Variants in NT5C1A observed in about 807,000 individuals in gnomAD.
NT5C1A encodes cytosolic 5'-nucleotidase 1A.
Under a neutral mutation model 31.0 loss-of-function variants are expected in NT5C1A, and 18 were observed. The ratio of observed to expected loss-of-function variants is 0.58; its 90% CI spans 0.40 to 0.86. The LOEUF is 0.86. Ranked by LOEUF, NT5C1A falls within the 40% of genes least tolerant of loss-of-function variation. NT5C1A has a pLI of 0.00. For missense variants in NT5C1A, 470 were observed against 505.4 expected, an observed-to-expected ratio of 0.93 and a Z score of 0.67; for synonymous variants, 185 against 203.6, an observed-to-expected ratio of 0.91 and a Z score of 0.78.
rs1646453976 is a variant in NT5C1A at position 39,655,332 on chromosome 1, GC to G, written c.*3788del. Among the ~76,000 whole-genome samples, 1 of 152,196 alleles carries G rather than the reference GC, an allele frequency of 6.6e-6. No homozygotes were observed. The highest frequency in any genetic ancestry group is 1.5e-5 in the Non-Finnish European group (1 of 68,036). On this transcript the variant is annotated 3_prime_UTR_variant, in exon 6 of 6. Coordinates refer to ENST00000235628, the MANE Select transcript of NT5C1A (RefSeq NM_032526.3). ...AACTCTGCATTAGCCCAAAACAGGG[GC>G]CTTCACACTGGGTTTCTCAAAACTT...
In NT5C1A at chr1:39,672,010, T is replaced by TGGGGCTCCC. The variant is rs747819287; in HGVS notation, c.20_28dup (p.Arg7_Pro9dup). The stretch of plus-strand genomic sequence containing the variant: ...TCCTGGCCCGGGCTCGCGGGGCTCC[T>TGGGGCTCCC]GGGGCTCCCGGGGCTGCCCAGGTTC... On this transcript the variant is annotated inframe_insertion, in exon 1 of 6. Coordinates refer to ENST00000235628, the MANE Select transcript of NT5C1A (RefSeq NM_032526.3). 7.0e-5 allele frequency: 113 copies of TGGGGCTCCC among 1,605,844 alleles called. 1 individual carries two copies. In the Admixed American group the frequency reaches 1.9e-3, roughly 27 times the overall value.
rs1385165096 is a variant in NT5C1A at position 39,657,525 on chromosome 1, G to A, written c.*1596C>T. Among the ~76,000 whole-genome samples, 1 of 152,172 alleles carries A rather than the reference G, an allele frequency of 6.6e-6. No individual in the cohort carries two copies. The highest frequency in any genetic ancestry group is 1.5e-5 in the Non-Finnish European group (1 of 68,036). Reference sequence around the variant, plus strand: ...ATTCCTCCTAGAAGCCTGGCAATCAGTCCACACACAGATGTCTGCTCACCC... The same window carrying A: ...ATTCCTCCTAGAAGCCTGGCAATCAATCCACACACAGATGTCTGCTCACCC... On this transcript the variant is annotated 3_prime_UTR_variant, in exon 6 of 6. Coordinates refer to ENST00000235628, the MANE Select transcript of NT5C1A (RefSeq NM_032526.3).
At chr1:39,660,271 G>A (rs1244766719) in intron 5 of NT5C1A, among the ~76,000 whole-genome samples, 1 of 152,286 alleles carries the variant, frequency 6.6e-6, no homozygotes, top group Middle Eastern at 3.4e-3. Context: ...GAGCCACAGC[G>A]GAAGCCTGCT....
At chr1:39,665,681 AC>A in intron 2 of NT5C1A, 31 bp from the exon 3 acceptor site, 1 of 1,607,110 alleles carries the variant, frequency 6.2e-7, no homozygotes, top group South Asian at 1.1e-5. Context: ...CCCAGCTTAG[AC>A]CCCCAAGGAT....
Position 39,655,434 on chromosome 1 carries a change from G to A in NT5C1A, c.*3687C>T, listed in dbSNP as rs1646454245. Among the ~76,000 whole-genome samples the A allele has an allele frequency of 6.6e-6, 1 of 152,192 alleles. No individual in the cohort carries two copies. The highest frequency in any genetic ancestry group is 2.4e-5 in the African/African-American group (1 of 41,444). On this transcript the variant is annotated 3_prime_UTR_variant, in exon 6 of 6. Transcript: ENST00000235628. ...TAAATTATTTGTAGGTGTTTAGGAA[G>A]CTATAATAAAAGCATGCACTCAAAT...
At chr1:39,663,496 C>A in intron 3 of NT5C1A, 62 bp from the exon 4 acceptor site, 1 of 1,580,100 alleles carries the variant, frequency 6.3e-7, no homozygotes, top group South Asian at 1.1e-5. Context: ...AGGGCAGTCT[C>A]TCTGTGCCCA....
intron 3 of NT5C1A, among the ~76,000 whole-genome samples, chr1:39,664,486 T>TTCTCCTCTCC (rs761927998): frequency 2.7e-3 from 4 of 1,500 alleles, no homozygotes; most frequent in Non-Finnish European, 4.3e-3. Flanking sequence ...CAGAGTGGAT[T>TTCTCCTCTCC]TCTCCTCCTC....
At chr1:39,664,249 G>A (rs1190471967) in intron 3 of NT5C1A, among the ~76,000 whole-genome samples, 2 of 150,952 alleles carry the variant, frequency 1.3e-5, no homozygotes, top group Non-Finnish European at 1.5e-5. Flanking sequence ...CGCCTCCCGG[G>A]TTCACGTCAT....
At chr1:39,663,789 T>C (rs1646504146) in intron 3 of NT5C1A, among the ~76,000 whole-genome samples, 1 of 152,230 alleles carries the variant, frequency 6.6e-6, no homozygotes, top group Non-Finnish European at 1.5e-5. Flanking sequence ...GCCAATCCGC[T>C]GGTCCCCATT....
Position 39,652,672 on chromosome 1 carries a change from C to T in NT5C1A, c.*6449G>A, listed in dbSNP as rs975736248. ...GCCAGGAGTGTGGGAGTCAGTGACC[C>T]CAGTCTTCACAGCTTTGGTTTGCCT... is the stretch of plus-strand genomic sequence containing the variant. On this transcript the variant is annotated 3_prime_UTR_variant, in exon 6 of 6. Transcript: ENST00000235628. Among the ~76,000 whole-genome samples the T allele has an allele frequency of 1.1e-4, 17 of 152,100 alleles. No homozygotes were observed. Among genetic ancestry groups the T allele is most frequent in the African/African-American group, 3.9e-4 (16 of 41,398 alleles).
In NT5C1A at chr1:39,666,133, A is replaced by C; in HGVS notation, c.239T>G (p.Val80Gly). 1.2e-6 allele frequency: 2 copies of C among 1,613,652 alleles called. No homozygotes were observed. The highest frequency in any genetic ancestry group is 1.7e-6 in the Non-Finnish European group (2 of 1,179,986). The change falls in exon 2 of 6, where the codon GTG (valine) becomes GGG (glycine). Residue 80 changes from valine (V) to glycine (G), a missense_variant. Val to Gly is a moderately radical substitution (Grantham distance 109). Coordinates refer to ENST00000235628, the MANE Select transcript of NT5C1A (RefSeq NM_032526.3). Reference protein sequence around the residue: ...IYTEQGVEEYVRYQLEHENEP... With the variant: ...IYTEQGVEEYGRYQLEHENEP... Reference sequence around the variant, plus strand: ...GTTCTCATGTTCCAGCTGGTAGCGCACGTACTCCTCCACGCCCTGCTCCGT... The same window carrying C: ...GTTCTCATGTTCCAGCTGGTAGCGCCCGTACTCCTCCACGCCCTGCTCCGT...
In NT5C1A at chr1:39,656,563, C is replaced by T. The variant is rs1307908476; in HGVS notation, c.*2558G>A. On this transcript the variant is annotated 3_prime_UTR_variant, in exon 6 of 6. Coordinates refer to ENST00000235628, the MANE Select transcript of NT5C1A (RefSeq NM_032526.3). Reference sequence around the variant, plus strand: ...TTTACTGCACCTTATCTTTCTGCTTCCAGCATCATATTTTCCTGCTTCCTG... The same window carrying T: ...TTTACTGCACCTTATCTTTCTGCTTTCAGCATCATATTTTCCTGCTTCCTG... Among the ~76,000 whole-genome samples, 2 of 152,212 alleles carry T rather than the reference C, an allele frequency of 1.3e-5. No individual in the cohort carries two copies. Among genetic ancestry groups the T allele is most frequent in the South Asian group, 2.1e-4 (1 of 4,838 alleles).
In NT5C1A at chr1:39,666,011, CT is replaced by C. The variant is rs1178077539; in HGVS notation, c.303+57del. The C allele has an allele frequency of 2.0e-5, 30 of 1,527,882 alleles. No homozygotes were observed. In the South Asian group the frequency reaches 2.1e-4, roughly 11 times the overall value. The allele number at this position is 1,527,882 out of a possible 1,614,324, so 94.6% of individuals were successfully genotyped here. A position where few individuals can be genotyped will look rare whatever the true frequency, so the allele number is the denominator to read the frequency against. ...CCTTACTCAAATACTCATGGGAGTG[CT>C]TTTTTCTAATCCCCACGAAGGCGCT... is the stretch of plus-strand genomic sequence containing the variant. On this transcript the variant is annotated intron_variant, in intron 2 of 5. Coordinates refer to ENST00000235628, the MANE Select transcript of NT5C1A (RefSeq NM_032526.3).
rs755290686 is a variant in NT5C1A at position 39,655,661 on chromosome 1, T to C, written c.*3460A>G. Among the ~76,000 whole-genome samples, 5 of 152,148 alleles carry C rather than the reference T, an allele frequency of 3.3e-5. No homozygotes were observed. Among genetic ancestry groups the C allele is most frequent in the Non-Finnish European group, 7.3e-5 (5 of 68,030 alleles). ...CCAGCACTGCCACTTACTAGCTCTATGGCTTTGGACAAGTTACTTTGCCTC... is the reference window on the plus strand; with the variant it reads ...CCAGCACTGCCACTTACTAGCTCTACGGCTTTGGACAAGTTACTTTGCCTC... On this transcript the variant is annotated 3_prime_UTR_variant, in exon 6 of 6. Coordinates refer to ENST00000235628, the MANE Select transcript of NT5C1A (RefSeq NM_032526.3).
chr1:39,661,848 G>A (rs1359603426), intron 4 of NT5C1A, among the ~76,000 whole-genome samples: 4 of 152,208 alleles, frequency 2.6e-5, no homozygotes, highest in Admixed American at 6.5e-5. Context: ...ACCACAGGCT[G>A]CAATCGGGTG....
chr1:39,670,843 T>TC (rs1423734087), intron 1 of NT5C1A, among the ~76,000 whole-genome samples: 1 of 149,588 alleles, frequency 6.7e-6, no homozygotes, highest in Non-Finnish European at 1.5e-5. Context: ...TACAAAGCTT[T>TC]CCCCAGTGTG....
At chr1:39,663,709 ATAGCTGC>A (rs1557745731) in intron 3 of NT5C1A, among the ~76,000 whole-genome samples, 2 of 6,006 alleles carry the variant, frequency 3.3e-4, no homozygotes, top group Admixed American at 1.9e-3. Flanking sequence ...CCTCCTGGCC[ATAGCTGC>A]CATAGCTGAT....
At chr1:39,668,849 A>G (rs1285823871) in intron 1 of NT5C1A, among the ~76,000 whole-genome samples, 1 of 152,158 alleles carries the variant, frequency 6.6e-6, no homozygotes, top group African/African-American at 2.4e-5. Context: ...GTGACACAGT[A>G]TGAGTGAGGT....
In NT5C1A at chr1:39,652,127, C is replaced by A. The variant is rs1646435816; in HGVS notation, c.*6994G>T. On this transcript the variant is annotated 3_prime_UTR_variant, in exon 6 of 6. Coordinates refer to ENST00000235628, the MANE Select transcript of NT5C1A (RefSeq NM_032526.3). The stretch of plus-strand genomic sequence containing the variant: ...GGCTGAGCTAGGTCATCTCTGAGGT[C>A]TCTTAAATATCCATCACTGAGAATC... Among the ~76,000 whole-genome samples the A allele has an allele frequency of 7.1e-6, 1 of 141,770 alleles. No individual in the cohort carries two copies. Among genetic ancestry groups the A allele is most frequent in the African/African-American group, 2.6e-5 (1 of 38,982 alleles). The allele number at this position is 141,770 out of a possible 152,430, so 93.0% of individuals were successfully genotyped here.
Sources: gnomAD v4.1 joint callset for allele counts (sites outside exome capture counted in the v4.1 genomes callset) on GRCh38, gnomAD v4.1.1 for gene constraint, MANE v1.5 for transcripts, NCBI Gene and HGNC (gene_info 2026-07-23, HGNC 2026-07-21) for gene names.